Variants in RIN2 observed in about 807,000 individuals in gnomAD.
RIN2 encodes the protein Ras and Rab interactor 2, also known as RAB5 interacting protein 2.
Under a neutral mutation model 78.0 loss-of-function variants are expected in RIN2, and 36 were observed. The ratio of observed to expected loss-of-function variants is 0.46; its 90% CI spans 0.35 to 0.61. The LOEUF (loss-of-function observed/expected upper bound fraction) is 0.61, where lower values mean the gene tolerates loss of function less well. Ranked by LOEUF, RIN2 falls within the 20% of genes least tolerant of loss-of-function variation. The pLI, the probability that RIN2 is intolerant of heterozygous loss-of-function variation, is 0.00. For missense variants in RIN2, 1,087 were observed against 1,159.7 expected, an observed-to-expected ratio of 0.94 and a Z score of 0.91; for synonymous variants, 466 against 466.8, an observed-to-expected ratio of 1.00 and a Z score of 0.02.
At chr20:19,843,015 T>G (rs1027635635) in intron 2 of RIN2, among the ~76,000 whole-genome samples, 4 of 152,270 alleles carry the variant, frequency 2.6e-5, no homozygotes, top group Admixed American at 2.0e-4. Context: ...AGGAATCTGC[T>G]GCAGATGTGG....
chr20:19,834,748 C>T (rs17300194), intron 2 of RIN2, among the ~76,000 whole-genome samples: 8,220 of 152,228 alleles, frequency 0.054, 283 homozygotes, highest in South Asian at 0.16. Context: ...TCCCAATCTT[C>T]TGTCTTTTAA....
chr20:19,953,023 A>G (rs2041384642), intron 4 of RIN2, among the ~76,000 whole-genome samples: 1 of 152,230 alleles, frequency 6.6e-6, no homozygotes, highest in African/African-American at 2.4e-5. Flanking sequence ...GTCTGAAACC[A>G]GGAATCTGTG....
At chr20:19,870,599 A>G (rs537854091) in intron 2 of RIN2, among the ~76,000 whole-genome samples, 42 of 152,350 alleles carry the variant, frequency 2.8e-4, no homozygotes, top group African/African-American at 9.6e-4. Flanking sequence ...GTGAGCCAAG[A>G]TCGCACCACT....
chr20:19,880,270 A>T (rs1555782861), intron 2 of RIN2, among the ~76,000 whole-genome samples: 1 of 142,676 alleles, frequency 7.0e-6, no homozygotes, highest in Non-Finnish European at 1.5e-5. Context: ...AAAAAAAAAA[A>T]TTTCCAGCAT....
At chr20:19,792,302 T>C (rs556453191) in intron 1 of RIN2, among the ~76,000 whole-genome samples, 6 of 152,320 alleles carry the variant, frequency 3.9e-5, no homozygotes, top group African/African-American at 1.4e-4. Flanking sequence ...TTCTAAAAGA[T>C]GGCGAAAGGA....
chr20:19,804,823 G>A (rs192182039), intron 2 of RIN2, among the ~76,000 whole-genome samples: 1 of 152,066 alleles, frequency 6.6e-6, no homozygotes. Context: ...AAATCCATGT[G>A]GGTTTTTTTT....
chr20:19,890,015 T>C (rs2038374344), intron 3 of RIN2, among the ~76,000 whole-genome samples: 1 of 152,016 alleles, frequency 6.6e-6, no homozygotes, highest in South Asian at 2.1e-4. Flanking sequence ...CCATGTGTTC[T>C]CTCCTTGGCT....
intron 1 of RIN2, among the ~76,000 whole-genome samples, chr20:19,774,290 A>C (rs2122454003): frequency 6.6e-6 from 1 of 152,326 alleles, no homozygotes; most frequent in East Asian, 1.9e-4. Context: ...TGAAGAGGGC[A>C]GGATGATGGA....
intron 4 of RIN2, chr20:19,935,428 C>G: frequency 7.9e-7 from 1 of 1,273,624 alleles, no homozygotes; most frequent in Non-Finnish European, 9.9e-7. Flanking sequence ...CTCAATTCCT[C>G]CTGGCACCAG....
intron 3 of RIN2, among the ~76,000 whole-genome samples, chr20:19,895,310 G>C (rs547290479): frequency 6.6e-6 from 1 of 152,294 alleles, no homozygotes; most frequent in African/African-American, 2.4e-5. Context: ...TCCTGAGAGG[G>C]ATCCTCTTAT....
chr20:19,761,896 C>G (rs2033656444), intron 1 of RIN2, among the ~76,000 whole-genome samples: 1 of 152,206 alleles, frequency 6.6e-6, no homozygotes. Flanking sequence ...TGAGAATCCC[C>G]TCAAACGCAG....
At chr20:19,844,663 CTTCTTCCTT>C (rs1373784097) in intron 2 of RIN2, among the ~76,000 whole-genome samples, 25 of 133,714 alleles carry the variant, frequency 1.9e-4, no homozygotes, top group African/African-American at 7.2e-4. Context: ...TCTTCTTCTT[CTTCTTCCTT>C]CTTCTTCTTC....
intron 12 of RIN2, among the ~76,000 whole-genome samples, chr20:19,997,811 T>A (rs2043018837): frequency 6.6e-6 from 1 of 152,146 alleles, no homozygotes; most frequent in Non-Finnish European, 1.5e-5. Context: ...TTGCTCATTG[T>A]CTATGAAATA....
intron 1 of RIN2, among the ~76,000 whole-genome samples, chr20:19,781,643 G>A (rs889843930): frequency 6.6e-6 from 1 of 152,188 alleles, no homozygotes; most frequent in Non-Finnish European, 1.5e-5. Context: ...GGCCAGGCTG[G>A]TCTCAAACTC....
At chr20:19,763,891 T>C (rs2033756506) in intron 1 of RIN2, among the ~76,000 whole-genome samples, 1 of 152,206 alleles carries the variant, frequency 6.6e-6, no homozygotes, top group Non-Finnish European at 1.5e-5. Context: ...GAGAAACGGA[T>C]TCGGGAGGTG....
chr20:19,930,041 G>A (rs944422920), intron 3 of RIN2, among the ~76,000 whole-genome samples: 1 of 151,438 alleles, frequency 6.6e-6, no homozygotes, highest in African/African-American at 2.4e-5. Context: ...CTGCACTCTG[G>A]GACAAGTGAG....
chr20:19,774,841 G>A (rs1281928419), intron 1 of RIN2, among the ~76,000 whole-genome samples: 2 of 152,220 alleles, frequency 1.3e-5, no homozygotes, highest in Non-Finnish European at 2.9e-5. Flanking sequence ...AGTGAGACCA[G>A]ATAGGAGAAG....
chr20:19,975,183 G>T lies in RIN2; in HGVS notation c.1158G>T (p.Pro386=). The part of the protein sequence containing the change: ...TLSGGRPGAG[P]ELELGTAGSP... Reference sequence around the variant, plus strand: ...GCGGCGGCCGGCCGGGCGCAGGCCCGGAGCTGGAGCTGGGCACAGCTGGCA... The same window carrying T: ...GCGGCGGCCGGCCGGGCGCAGGCCCTGAGCTGGAGCTGGGCACAGCTGGCA... Residue 386 remains proline, a synonymous_variant, in exon 9 of 13, where the codon CCG becomes CCT. Coordinates refer to ENST00000255006, the MANE Select transcript of RIN2 (RefSeq NM_018993.4). The surrounding 1 kb of genome is among the most constrained non-coding windows in gnomAD (Gnocchi z 4.9). The T allele has an allele frequency of 6.2e-7, 1 of 1,607,044 alleles. No homozygotes were observed. The highest frequency in any genetic ancestry group is 8.5e-7 in the Non-Finnish European group (1 of 1,177,104).
intron 2 of RIN2, among the ~76,000 whole-genome samples, chr20:19,844,924 C>T (rs900391936): frequency 6.6e-6 from 1 of 151,962 alleles, no homozygotes; most frequent in Non-Finnish European, 1.5e-5. Flanking sequence ...TGATGTTCCC[C>T]TCCCTGTGTC....
Sources: gnomAD v4.1 joint callset for allele counts (sites outside exome capture counted in the v4.1 genomes callset) on GRCh38, gnomAD v4.1.1 for gene constraint, Gnocchi (gnomAD v3.1) non-coding constraint, MANE v1.5 for transcripts, NCBI Gene and HGNC (gene_info 2026-07-23, HGNC 2026-07-21) for gene names.